ULK4: variants seen among roughly 807,000 people sequenced by gnomAD.
ULK4 encodes the protein inactive serine/threonine-protein kinase ULK4.
In ULK4, 133 loss-of-function variants were observed where a neutral mutation model predicts 160.6. The ratio of observed to expected loss-of-function variants is 0.83; its 90% CI spans 0.72 to 0.96. The LOEUF is 0.96. ULK4 is among the 40% of genes least tolerant of loss of function. ULK4 has a pLI of 0.00. For missense variants in ULK4, 1,580 were observed against 1,499.5 expected (o/e 1.05, Z -0.89); for synonymous variants, 534 against 539.8 (o/e 0.99, Z 0.15).
intron 31 of ULK4, among the ~76,000 whole-genome samples, chr3:41,577,716 G>C (rs2088243987): frequency 6.6e-6 from 1 of 151,718 alleles, no homozygotes; most frequent in Admixed American, 6.6e-5. Flanking sequence ...CAAAGAAATT[G>C]AATCTCTGAG....
chr3:41,717,776 G>A lies in ULK4; in HGVS notation c.2407C>T (p.Leu803=), dbSNP rs2037322267. 2 of 1,614,106 alleles carry A rather than the reference G, an allele frequency of 1.2e-6. No homozygotes were observed. The highest frequency in any genetic ancestry group is 1.7e-6 in the Non-Finnish European group (2 of 1,179,992). Reference sequence around the variant, plus strand: ...ACAATGTGACAGATGAGAAGATCCAGGCATTTGGACAGGTATTCATTGCCA... The same window carrying A: ...ACAATGTGACAGATGAGAAGATCCAAGCATTTGGACAGGTATTCATTGCCA... ...QSGNEYLSKC[L]DLLICHIVQE... is the part of the protein sequence containing the mutation. Residue 803 remains leucine (L), a synonymous_variant, in exon 23 of 37, where the codon CTG becomes TTG. Transcript: ENST00000301831.
At chr3:41,672,054 T>C (rs1385225554) in intron 29 of ULK4, among the ~76,000 whole-genome samples, 4 of 152,010 alleles carry the variant, frequency 2.6e-5, no homozygotes, top group Admixed American at 1.3e-4. Flanking sequence ...ATGGCTATTA[T>C]GAAAAAGATG....
chr3:41,654,705 C>G (rs1038068425), intron 30 of ULK4, among the ~76,000 whole-genome samples: 5 of 152,160 alleles, frequency 3.3e-5, no homozygotes, highest in Non-Finnish European at 7.3e-5. Context: ...GAAATTCCAC[C>G]TTGACAAAAA....
chr3:41,641,743 CT>C (rs2034205739), intron 30 of ULK4, among the ~76,000 whole-genome samples: 1 of 151,442 alleles, frequency 6.6e-6, no homozygotes, highest in African/African-American at 2.4e-5. Context: ...TCTGAACATG[CT>C]TAAACGATTT....
At chr3:41,477,819 A>ACATACGG (rs1384572004) in intron 32 of ULK4, among the ~76,000 whole-genome samples, 1 of 152,192 alleles carries the variant, frequency 6.6e-6, no homozygotes, top group African/African-American at 2.4e-5. Context: ...GCAACCACTC[A>ACATACGG]CATACGGCAT....
chr3:41,602,397 G>A (rs998342318), intron 31 of ULK4, among the ~76,000 whole-genome samples: 2 of 150,976 alleles, frequency 1.3e-5, no homozygotes, highest in African/African-American at 4.9e-5. Flanking sequence ...AGAATTGGAA[G>A]GGGGAAGGGA....
chr3:41,585,713 T>C lies in ULK4; in HGVS notation c.3121-19583A>G, dbSNP rs570134368. The stretch of plus-strand genomic sequence containing the variant: ...AACTTTCATTCATCAAACCAAACAA[T>C]CAACAGAGAGAAAAGACAACCTATG... On this transcript the variant is annotated intron_variant, in intron 31 of 36. Transcript: ENST00000301831. Among the ~76,000 whole-genome samples, 5 of 151,954 alleles carry C rather than the reference T, an allele frequency of 3.3e-5. No homozygotes were observed. The East Asian group carries it at 9.7e-4, about 29-fold the overall frequency.
At chr3:41,284,187 T>G (rs919285496) in intron 35 of ULK4, among the ~76,000 whole-genome samples, 5 of 151,990 alleles carry the variant, frequency 3.3e-5, no homozygotes, top group Non-Finnish European at 5.9e-5. Flanking sequence ...ATCTACAAAT[T>G]CAATGCAATC....
At chr3:41,722,203 C>T (rs902343065) in intron 22 of ULK4, among the ~76,000 whole-genome samples, 8 of 152,254 alleles carry the variant, frequency 5.3e-5, no homozygotes, top group Middle Eastern at 3.4e-3. Flanking sequence ...CTTGAGTACA[C>T]AAATCTTAAG....
intron 32 of ULK4, among the ~76,000 whole-genome samples, chr3:41,493,487 A>G (rs2084870757): frequency 7.9e-6 from 1 of 126,126 alleles, no homozygotes; most frequent in East Asian, 2.0e-4. Context: ...GAAAGATCCA[A>G]AATTGACACC....
At chr3:41,501,565 G>C (rs2085209527) in intron 32 of ULK4, among the ~76,000 whole-genome samples, 1 of 151,964 alleles carries the variant, frequency 6.6e-6, no homozygotes, top group African/African-American at 2.4e-5. Context: ...CTATTTATAA[G>C]GTACAATATT....
intron 32 of ULK4, among the ~76,000 whole-genome samples, chr3:41,464,678 C>G (rs1000797278): frequency 6.6e-6 from 1 of 152,166 alleles, no homozygotes; most frequent in African/African-American, 2.4e-5. Flanking sequence ...TAAACATACG[C>G]TGCAAGACAA....
chr3:41,567,902 C>G (rs1264746861), intron 31 of ULK4, among the ~76,000 whole-genome samples: 1 of 152,084 alleles, frequency 6.6e-6, no homozygotes, highest in Non-Finnish European at 1.5e-5. Context: ...TCCATATACC[C>G]ATCACCCAGT....
At chr3:41,427,824 G>A (rs2082811198) in intron 34 of ULK4, among the ~76,000 whole-genome samples, 2 of 152,068 alleles carry the variant, frequency 1.3e-5, no homozygotes, top group Admixed American at 1.3e-4. Flanking sequence ...ATACTAAATG[G>A]GCAAAAGCTG....
chr3:41,441,434 G>T (rs2083165879), intron 34 of ULK4, among the ~76,000 whole-genome samples: 1 of 151,850 alleles, frequency 6.6e-6, no homozygotes, highest in Admixed American at 6.6e-5. Flanking sequence ...TCAAATATTT[G>T]GGGATCTTCC....
chr3:41,277,289 C>T (rs781055489), intron 35 of ULK4, among the ~76,000 whole-genome samples: 1 of 152,106 alleles, frequency 6.6e-6, no homozygotes, highest in Non-Finnish European at 1.5e-5. Flanking sequence ...CAGGAAAGGA[C>T]ATAACCAAAA....
At chr3:41,537,586 T>C (rs73080727) in intron 32 of ULK4, among the ~76,000 whole-genome samples, 6,258 of 152,278 alleles carry the variant, frequency 0.041, 170 homozygotes, top group Non-Finnish European at 0.062. Context: ...GTTTAACTCA[T>C]GGGGTTCTGG....
chr3:41,768,226 G>A (rs1280459399), intron 21 of ULK4, among the ~76,000 whole-genome samples: 1 of 152,202 alleles, frequency 6.6e-6, no homozygotes, highest in East Asian at 1.9e-4. Flanking sequence ...TTGGTCCCTG[G>A]TGCCAAAAAG....
At chr3:41,305,944 C>T (rs1437583989) in intron 35 of ULK4, among the ~76,000 whole-genome samples, 4 of 149,126 alleles carry the variant, frequency 2.7e-5, no homozygotes, top group Admixed American at 6.6e-5. Context: ...CATCTCTGCC[C>T]GGCCGCCCCG....
Sources: allele counts gnomAD v4.1 joint callset (sites outside exome capture counted in the v4.1 genomes callset), GRCh38; gene constraint gnomAD v4.1.1; transcripts MANE v1.5; gene names NCBI Gene and HGNC (gene_info 2026-07-23, HGNC 2026-07-21).